LINGO2: variants seen among roughly 807,000 people sequenced by gnomAD.
The protein encoded by LINGO2 is leucine-rich repeat and immunoglobulin-like domain-containing nogo receptor-interacting protein 2.
In LINGO2, 14 loss-of-function variants were observed where a neutral mutation model predicts 30.6. The observed-to-expected ratio is 0.46, with a 90% CI of 0.30 to 0.72. The LOEUF (loss-of-function observed/expected upper bound fraction) is 0.72, where lower values mean the gene tolerates loss of function less well. Ranked by LOEUF, LINGO2 falls within the 30% of genes least tolerant of loss-of-function variation. The pLI, the probability that LINGO2 is intolerant of heterozygous loss-of-function variation, is 0.07. For synonymous variants in LINGO2, 317 were observed against 288.5 expected (o/e 1.10, Z -1.00); for missense variants, 729 against 751.7 (o/e 0.97, Z 0.35).
intron 1 of LINGO2, among the ~76,000 whole-genome samples, chr9:28,665,840 T>C (rs749509746): frequency 2.6e-5 from 4 of 152,006 alleles, no homozygotes; most frequent in Non-Finnish European, 5.9e-5. Context: ...TGGTAGAAGT[T>C]ATGATGTATA....
chr9:28,243,459 A>G (rs993024648), intron 4 of LINGO2, among the ~76,000 whole-genome samples: 40 of 118,368 alleles, frequency 3.4e-4, no homozygotes, highest in Admixed American at 8.5e-4. Context: ...GACTCTCTCA[A>G]AAAATAAAAA....
the LINGO2 span, among the ~76,000 whole-genome samples, chr9:28,909,046 T>C: frequency 6.6e-6 from 1 of 151,956 alleles, no homozygotes; most frequent in Admixed American, 6.6e-5. Flanking sequence ...AAATAAGTTG[T>C]ATCTGGGCCT....
chr9:29,145,553 T>C, the LINGO2 span, among the ~76,000 whole-genome samples: 2 of 147,212 alleles, frequency 1.4e-5, no homozygotes, highest in East Asian at 4.4e-4. Context: ...ATATTCATGA[T>C]AGTTATCTGT....
the LINGO2 span, among the ~76,000 whole-genome samples, chr9:28,742,692 A>G: frequency 6.6e-6 from 1 of 151,960 alleles, no homozygotes; most frequent in Non-Finnish European, 1.5e-5. Flanking sequence ...AGGAGAAAGA[A>G]GAACTACTAG....
intron 4 of LINGO2, among the ~76,000 whole-genome samples, chr9:28,268,029 T>C (rs1343082022): frequency 1.3e-5 from 2 of 152,100 alleles, no homozygotes; most frequent in African/African-American, 2.4e-5. Context: ...TACAACATAG[T>C]ATCCACTATT....
chr9:28,558,278 A>G (rs1037770602), intron 1 of LINGO2, among the ~76,000 whole-genome samples: 2 of 151,586 alleles, frequency 1.3e-5, no homozygotes, highest in Non-Finnish European at 2.9e-5. Context: ...TTTTCTCTTG[A>G]GTAAGACATA....
At chr9:28,644,976 G>C (rs558964480) in intron 1 of LINGO2, among the ~76,000 whole-genome samples, 1 of 152,126 alleles carries the variant, frequency 6.6e-6, no homozygotes, top group African/African-American at 2.4e-5. Flanking sequence ...AAAAATCCCA[G>C]ATGATTACAA....
chr9:28,274,253 C>T (rs1004106962), intron 4 of LINGO2, among the ~76,000 whole-genome samples: 1 of 152,078 alleles, frequency 6.6e-6, no homozygotes, highest in African/African-American at 2.4e-5. Flanking sequence ...TAACACTATA[C>T]CTTATACAAA....
chr9:28,664,996 CATATATATAT>C (rs10527878), intron 1 of LINGO2, among the ~76,000 whole-genome samples: 4,025 of 96,240 alleles, frequency 0.042, 120 homozygotes, highest in Middle Eastern at 0.081. Flanking sequence ...TATGTGTTTA[CATATATATAT>C]ATATATATAT....
chr9:28,685,169 T>A, the LINGO2 span, among the ~76,000 whole-genome samples: 2 of 152,110 alleles, frequency 1.3e-5, no homozygotes, highest in African/African-American at 4.8e-5. Context: ...TCATTCTTTT[T>A]TATGATTGCA....
At chr9:28,186,388 A>T (rs1162272274) in intron 4 of LINGO2, among the ~76,000 whole-genome samples, 1 of 152,324 alleles carries the variant, frequency 6.6e-6, no homozygotes, top group Middle Eastern at 3.4e-3. Flanking sequence ...CATTCAGCAG[A>T]TACTTACAGA....
At chr9:28,435,316 T>C (rs1231052191) in intron 2 of LINGO2, among the ~76,000 whole-genome samples, 1 of 152,216 alleles carries the variant, frequency 6.6e-6, no homozygotes, top group Non-Finnish European at 1.5e-5. Flanking sequence ...CTTTATAATG[T>C]TGTTATCTAA....
At chr9:28,303,551 C>T (rs971040746) in intron 3 of LINGO2, among the ~76,000 whole-genome samples, 3 of 152,124 alleles carry the variant, frequency 2.0e-5, no homozygotes, top group African/African-American at 7.2e-5. Context: ...AACTTAACTA[C>T]TAGCAGTCTA....
chr9:28,470,151 C>T (rs2135164755), intron 2 of LINGO2, among the ~76,000 whole-genome samples: 1 of 152,178 alleles, frequency 6.6e-6, no homozygotes, highest in South Asian at 2.1e-4. Context: ...TGTGAAAAAG[C>T]TCTGGAGATT....
chr9:28,241,156 C>G (rs182037579), intron 4 of LINGO2, among the ~76,000 whole-genome samples: 3 of 148,940 alleles, frequency 2.0e-5, no homozygotes, highest in South Asian at 4.3e-4. Context: ...GTAATCCCAG[C>G]TACTTGGGAG....
the LINGO2 span, among the ~76,000 whole-genome samples, chr9:28,870,812 C>T: frequency 6.6e-6 from 1 of 151,982 alleles, no homozygotes; most frequent in African/African-American, 2.4e-5. Flanking sequence ...AAATGCTTCA[C>T]TTAATTTATA....
intron 1 of LINGO2, among the ~76,000 whole-genome samples, chr9:28,608,973 C>T (rs1825802589): frequency 6.6e-6 from 1 of 151,884 alleles, no homozygotes; most frequent in Admixed American, 6.6e-5. Context: ...TTTGATAAAA[C>T]ATTTGGGGCA....
chr9:28,936,230 T>A, the LINGO2 span, among the ~76,000 whole-genome samples: 11 of 152,320 alleles, frequency 7.2e-5, no homozygotes, highest in African/African-American at 2.6e-4. Flanking sequence ...TATGATCATA[T>A]CTTTTCTTTA....
At chr9:28,255,469 C>T (rs1042151670) in intron 4 of LINGO2, among the ~76,000 whole-genome samples, 1 of 152,046 alleles carries the variant, frequency 6.6e-6, no homozygotes, top group Non-Finnish European at 1.5e-5. Flanking sequence ...AGTAACTGAA[C>T]CTCTCTGTTA....
Sources: allele counts gnomAD v4.1 joint callset (sites outside exome capture counted in the v4.1 genomes callset), GRCh38; gene constraint gnomAD v4.1.1; transcripts MANE v1.5; gene names NCBI Gene and HGNC (gene_info 2026-07-23, HGNC 2026-07-21).